The following MSRA variants were observed in gnomAD, a reference collection of about 807,000 sequenced individuals.
MSRA encodes the protein methionine sulfoxide reductase A, also known as mitochondrial peptide methionine sulfoxide reductase.
MSRA carries 54 observed loss-of-function variants against 31.3 expected under a neutral mutation model. The observed-to-expected ratio is 1.73, with a 90% confidence interval of 1.39 to 2.17. MSRA has a LOEUF of 2.17. MSRA is among the 30% of genes most tolerant of loss of function. MSRA has a pLI of 0.00. For synonymous variants in MSRA, 169 were observed against 116.5 expected (o/e 1.45, Z -2.90); for missense variants, 507 against 300.9 (o/e 1.69, Z -5.07).
intron 5 of MSRA, among the ~76,000 whole-genome samples, chr8:10,374,334 G>A (rs1024591272): frequency 4.6e-5 from 7 of 152,158 alleles, no homozygotes; most frequent in South Asian, 4.1e-4. Context: ...CTGCACCAGC[G>A]GGAGTGGGAA....
intron 2 of MSRA, among the ~76,000 whole-genome samples, chr8:10,212,649 T>C (rs559788370): frequency 6.6e-6 from 1 of 152,328 alleles, no homozygotes; most frequent in South Asian, 2.1e-4. Flanking sequence ...TTGATCTGAT[T>C]TTACAGTTGC....
intron 3 of MSRA, among the ~76,000 whole-genome samples, chr8:10,276,119 G>A (rs905411310): frequency 1.3e-5 from 2 of 152,148 alleles, no homozygotes; most frequent in Admixed American, 6.5e-5. Flanking sequence ...GGAAACAGGC[G>A]ACACATGTAG....
chr8:10,166,241 G>A (rs912694737), intron 1 of MSRA, among the ~76,000 whole-genome samples: 1 of 152,200 alleles, frequency 6.6e-6, no homozygotes, highest in African/African-American at 2.4e-5. Context: ...TTCTCAGGTA[G>A]CAGGGGAGAA....
At chr8:10,202,807 C>T (rs937254058) in intron 1 of MSRA, among the ~76,000 whole-genome samples, 1 of 151,956 alleles carries the variant, frequency 6.6e-6, no homozygotes, top group African/African-American at 2.4e-5. Context: ...CTCAAAACAC[C>T]CCATGAAGTA....
chr8:10,415,242 G>C (rs777086511), intron 5 of MSRA, among the ~76,000 whole-genome samples: 2 of 152,204 alleles, frequency 1.3e-5, no homozygotes, highest in Non-Finnish European at 2.9e-5. Context: ...GGTAGAGAAG[G>C]AAGGACCCAT....
intron 3 of MSRA, among the ~76,000 whole-genome samples, chr8:10,264,569 CAACAGGGAGCTGGCTGTCGGGA>C (rs1367361374): frequency 6.6e-6 from 1 of 152,140 alleles, no homozygotes; most frequent in Non-Finnish European, 1.5e-5. Context: ...CAGGTGGGTG[CAACAGGGAGCTGGCTGTCGGGA>C]AGGGCTGAGC....
At chr8:10,256,040 C>G (rs937683223) in intron 3 of MSRA, among the ~76,000 whole-genome samples, 1 of 152,118 alleles carries the variant, frequency 6.6e-6, no homozygotes, top group Non-Finnish European at 1.5e-5. Flanking sequence ...GATGTTCTGA[C>G]ATGTATAATG....
At chr8:10,126,801 A>T (rs1801533072) in intron 1 of MSRA, among the ~76,000 whole-genome samples, 1 of 152,244 alleles carries the variant, frequency 6.6e-6, no homozygotes, top group South Asian at 2.1e-4. Flanking sequence ...GGCATGAGCC[A>T]CCATGTCCAG....
intron 5 of MSRA, among the ~76,000 whole-genome samples, chr8:10,354,748 G>GTATATA (rs1477165567): frequency 2.3e-4 from 30 of 129,028 alleles, no homozygotes; most frequent in African/African-American, 8.1e-4. Context: ...GTGTGTGTGT[G>GTATATA]TGTATATATA....
At chr8:10,098,190 CTTATT>C (rs1298600409) in intron 1 of MSRA, among the ~76,000 whole-genome samples, 3 of 152,110 alleles carry the variant, frequency 2.0e-5, no homozygotes, top group Non-Finnish European at 2.9e-5. Context: ...TATTTCAAAT[CTTATT>C]TTAAAGTATA....
chr8:10,095,476 A>G (rs921713205), intron 1 of MSRA: 10 of 985,414 alleles, frequency 1.0e-5, no homozygotes, highest in Non-Finnish European at 1.2e-5. Flanking sequence ...TCTTTTGGAG[A>G]CAAGAATTCA....
rs59106668 is a variant in MSRA at position 10,358,565 on chromosome 8, C to CTTTTTTTT, written c.543+38614_543+38621dup. Among the ~76,000 whole-genome samples the CTTTTTTTT allele has an allele frequency of 1.9e-4, 12 of 63,996 alleles. 2 individuals carry two copies. In the East Asian group the frequency reaches 3.7e-3, roughly 20 times the overall value. 42.0% of individuals were successfully genotyped at this position (63,996 alleles called of 152,430 possible). A position where few individuals can be genotyped will look rare whatever the true frequency, so the allele number is the denominator to read the frequency against. Reference sequence around the variant, plus strand: ...GTCAGATCAGCGGCAGCATTAGATTCTTTTTTTTTTTTTTTTTTTTTTTTT... The same window carrying CTTTTTTTT: ...GTCAGATCAGCGGCAGCATTAGATTCTTTTTTTTTTTTTTTTTTTTTTTTTTTTTTTTT... On this transcript the variant is annotated intron_variant, in intron 5 of 5. Transcript: ENST00000317173.
intron 1 of MSRA, among the ~76,000 whole-genome samples, chr8:10,136,802 CTG>C (rs1359021152): frequency 6.6e-6 from 1 of 152,130 alleles, no homozygotes; most frequent in Non-Finnish European, 1.5e-5. Context: ...TCACCTGTGA[CTG>C]TGTGTCTTGC....
intron 5 of MSRA, among the ~76,000 whole-genome samples, chr8:10,425,931 A>G (rs1335832437): frequency 6.6e-6 from 1 of 152,204 alleles, no homozygotes; most frequent in South Asian, 2.1e-4. Context: ...TCAGGCCCTC[A>G]CCGTGCCTTT....
At chr8:10,405,292 G>A (rs189046067) in intron 5 of MSRA, among the ~76,000 whole-genome samples, 193 of 152,090 alleles carry the variant, frequency 1.3e-3, no homozygotes, top group Non-Finnish European at 2.1e-3. Context: ...CACCCAGCTC[G>A]GCCACCCATC....
chr8:10,306,458 A>G (rs1801145801), intron 4 of MSRA, among the ~76,000 whole-genome samples: 1 of 151,926 alleles, frequency 6.6e-6, no homozygotes, highest in Admixed American at 6.5e-5. Flanking sequence ...CTGGGTAAGT[A>G]TTTACCCTCC....
At chr8:10,250,376 C>T in intron 3 of MSRA, 3 of 699,416 alleles carry the variant, frequency 4.3e-6, no homozygotes, top group Non-Finnish European at 7.8e-6. Flanking sequence ...CAAGAAAACC[C>T]AGGATGTTCA....
At chr8:10,182,606 A>C (rs1310468884) in intron 1 of MSRA, among the ~76,000 whole-genome samples, 1 of 152,116 alleles carries the variant, frequency 6.6e-6, no homozygotes, top group Non-Finnish European at 1.5e-5. Context: ...GTAGGTATTT[A>C]TGGGTTACAT....
intron 1 of MSRA, among the ~76,000 whole-genome samples, chr8:10,097,489 T>C (rs981206442): frequency 2.0e-5 from 3 of 152,148 alleles, no homozygotes; most frequent in Admixed American, 2.0e-4. Flanking sequence ...CAACAATATA[T>C]GAAACAAAAA....
Sources: gnomAD v4.1 joint callset for allele counts (sites outside exome capture counted in the v4.1 genomes callset) on GRCh38, gnomAD v4.1.1 for gene constraint, MANE v1.5 for transcripts, NCBI Gene and HGNC (gene_info 2026-07-23, HGNC 2026-07-21) for gene names.